Variants in CDH13 observed in about 807,000 individuals in gnomAD.
The protein encoded by CDH13 is cadherin-13.
A neutral mutation model predicts 63.8 loss-of-function variants in CDH13; 24 were observed. That is an observed-to-expected ratio of 0.38 (90% confidence interval 0.27 to 0.53). The LOEUF (loss-of-function observed/expected upper bound fraction) is 0.53, where lower values mean the gene tolerates loss of function less well. Among genes scored for constraint, CDH13 ranks in the 20% least tolerant of loss-of-function variants. The probability of loss-of-function intolerance (pLI) is 0.85; values close to 1 mark genes in which losing one functional copy is unlikely to be tolerated. For synonymous variants in CDH13, 503 were observed against 355.3 expected (o/e 1.42, Z -4.67); for missense variants, 1,049 against 903.1 (o/e 1.16, Z -2.07).
At chr16:83,161,483 A>T (rs1012862058) in intron 4 of CDH13, among the ~76,000 whole-genome samples, 1 of 152,186 alleles carries the variant, frequency 6.6e-6, no homozygotes, top group African/African-American at 2.4e-5. Flanking sequence ...GTAATCAAAG[A>T]TGCCTATTAC....
intron 3 of CDH13, among the ~76,000 whole-genome samples, chr16:83,111,762 A>G (rs565977719): frequency 2.0e-5 from 3 of 152,366 alleles, no homozygotes; most frequent in South Asian, 2.1e-4. Flanking sequence ...CTTGGCTTCA[A>G]CAAGAATTCA....
chr16:83,634,444 A>C (rs1911076695), intron 8 of CDH13, among the ~76,000 whole-genome samples: 1 of 148,434 alleles, frequency 6.7e-6, no homozygotes, highest in Non-Finnish European at 1.5e-5. Context: ...CCAGCCACCC[A>C]GGCTGGAGTG....
chr16:82,781,084 T>G (rs889542017), intron 1 of CDH13, among the ~76,000 whole-genome samples: 2 of 152,362 alleles, frequency 1.3e-5, no homozygotes, highest in South Asian at 2.1e-4. Flanking sequence ...TGATTTTTTT[T>G]AAGTGTATCT....
At chr16:83,413,526 C>A (rs1384517966) in intron 6 of CDH13, among the ~76,000 whole-genome samples, 4 of 152,070 alleles carry the variant, frequency 2.6e-5, no homozygotes, top group Non-Finnish European at 5.9e-5. Flanking sequence ...GGTAATGTTC[C>A]CCAACTAGAG....
chr16:82,783,181 C>G (rs529771877), intron 1 of CDH13, among the ~76,000 whole-genome samples: 2 of 152,228 alleles, frequency 1.3e-5, no homozygotes, highest in African/African-American at 2.4e-5. Context: ...CATGGGCAAT[C>G]CATACTCATA....
chr16:83,486,234 C>T (rs917605271), intron 6 of CDH13, among the ~76,000 whole-genome samples: 1 of 152,210 alleles, frequency 6.6e-6, no homozygotes, highest in African/African-American at 2.4e-5. Flanking sequence ...AAAAATTAAG[C>T]AGTCACTCTG....
chr16:83,748,709 G>A (rs1351411366), intron 11 of CDH13, among the ~76,000 whole-genome samples: 1 of 152,180 alleles, frequency 6.6e-6, no homozygotes, highest in Admixed American at 6.5e-5. Flanking sequence ...TCAGTTAGTG[G>A]CTGCACAACC....
rs148081770 is a variant in CDH13 at position 83,501,838 on chromosome 16, A to G, written c.960+15183A>G. On this transcript the variant is annotated intron_variant, in intron 7 of 13. Coordinates refer to ENST00000567109, the MANE Select transcript of CDH13 (RefSeq NM_001257.5). ...CTTTATCTTTTATCAGACTCATTTCAGGGATTTCTGTATTCATTGCTCCTG... is the reference window on the plus strand; with the variant it reads ...CTTTATCTTTTATCAGACTCATTTCGGGGATTTCTGTATTCATTGCTCCTG... 3.3e-5 allele frequency among the ~76,000 whole-genome samples: 5 copies of G among 152,342 alleles called. No individual in the cohort carries two copies. In the East Asian group the frequency reaches 9.6e-4, roughly 29 times the overall value.
chr16:83,303,488 G>T (rs1324632261), intron 5 of CDH13, among the ~76,000 whole-genome samples: 1 of 152,180 alleles, frequency 6.6e-6, no homozygotes, highest in Non-Finnish European at 1.5e-5. Flanking sequence ...GAATTGAACA[G>T]GATTGGAGAC....
At chr16:83,467,436 A>C (rs574041626) in intron 6 of CDH13, among the ~76,000 whole-genome samples, 1 of 152,152 alleles carries the variant, frequency 6.6e-6, no homozygotes, top group Admixed American at 6.6e-5. Flanking sequence ...TGAAAAGATA[A>C]CATAGATGCC....
At chr16:83,618,927 C>A (rs1019031914) in intron 8 of CDH13, among the ~76,000 whole-genome samples, 4 of 152,032 alleles carry the variant, frequency 2.6e-5, no homozygotes, top group East Asian at 1.9e-4. Context: ...TTAATATATT[C>A]ATTTCTTTGC....
chr16:82,895,896 C>T (rs746094881), intron 2 of CDH13, among the ~76,000 whole-genome samples: 2 of 152,172 alleles, frequency 1.3e-5, no homozygotes, highest in Admixed American at 1.3e-4. Context: ...GGTACAAGAT[C>T]AGCCTCCCCT....
At chr16:82,881,257 T>C (rs2040691845) in intron 2 of CDH13, among the ~76,000 whole-genome samples, 1 of 152,136 alleles carries the variant, frequency 6.6e-6, no homozygotes, top group African/African-American at 2.4e-5. Context: ...CCCATTTGGA[T>C]GCCATGGGTT....
intron 7 of CDH13, among the ~76,000 whole-genome samples, chr16:83,589,446 A>G (rs1472567694): frequency 6.7e-6 from 1 of 149,508 alleles, no homozygotes; most frequent in Non-Finnish European, 1.5e-5. Flanking sequence ...CCTCCCTCTC[A>G]TGAGGACTCT....
intron 1 of CDH13, among the ~76,000 whole-genome samples, chr16:82,758,393 T>A (rs183898762): frequency 6.6e-6 from 1 of 151,418 alleles, no homozygotes; most frequent in East Asian, 2.0e-4. Flanking sequence ...ATTGGGTTTC[T>A]GTGTCACCAC....
At chr16:82,811,618 G>A (rs1419471683) in intron 1 of CDH13, among the ~76,000 whole-genome samples, 1 of 152,144 alleles carries the variant, frequency 6.6e-6, no homozygotes, top group African/African-American at 2.4e-5. Context: ...GAACTACAGT[G>A]TCCAGAAAAT....
At chr16:83,134,835 G>T (rs77921322) in intron 4 of CDH13, among the ~76,000 whole-genome samples, 4,385 of 152,172 alleles carry the variant, frequency 0.029, 240 homozygotes, top group Admixed American at 0.15. Flanking sequence ...ACATATATAT[G>T]CAAAACTTCC....
At chr16:82,962,616 T>G (rs1211496855) in intron 2 of CDH13, among the ~76,000 whole-genome samples, 1 of 152,232 alleles carries the variant, frequency 6.6e-6, no homozygotes, top group Admixed American at 6.5e-5. Flanking sequence ...GAAGAGAATC[T>G]GACAAAGATG....
chr16:83,217,105 T>C (rs1597536314), intron 4 of CDH13, among the ~76,000 whole-genome samples: 1 of 152,222 alleles, frequency 6.6e-6, no homozygotes, highest in East Asian at 1.9e-4. Context: ...TCCATCACTG[T>C]ATGTCACCCG....
Sources: allele counts gnomAD v4.1 joint callset (sites outside exome capture counted in the v4.1 genomes callset), GRCh38; gene constraint gnomAD v4.1.1; transcripts MANE v1.5; gene names NCBI Gene and HGNC (gene_info 2026-07-23, HGNC 2026-07-21).